Variants in CYTH4 observed in about 807,000 individuals in gnomAD.
CYTH4 encodes cytohesin 4.
CYTH4 carries 22 observed loss-of-function variants against 57.5 expected under a neutral mutation model. The ratio of observed to expected loss-of-function variants is 0.38; its 90% CI spans 0.27 to 0.55. The LOEUF is 0.55. CYTH4 is among the 20% of genes least tolerant of loss of function. The probability of loss-of-function intolerance (pLI) is 0.74; values close to 1 mark genes in which losing one functional copy is unlikely to be tolerated. For synonymous variants in CYTH4, 186 were observed against 206.5 expected (o/e 0.90, Z 0.85); for missense variants, 420 against 535.6 (o/e 0.78, Z 2.13).
At position 37,295,134 on chromosome 22, in the gene CYTH4, C is replaced by G. The variant is rs371961579; in HGVS notation, c.167+410C>G. 6.6e-6 allele frequency among the ~76,000 whole-genome samples: 1 copy of G among 152,130 alleles called. No homozygotes were observed. Among genetic ancestry groups the G allele is most frequent in the Non-Finnish European group, 1.5e-5 (1 of 68,004 alleles). On this transcript the variant is annotated intron_variant, in intron 3 of 12. Coordinates refer to ENST00000248901, the MANE Select transcript of CYTH4 (RefSeq NM_013385.5). This position sits in a 1 kb window ranked among gnomAD's most constrained non-coding sequence, Gnocchi z 4.1. ...ACCCCACCCCACTCACCACTAACCC[C>G]GGGCCAGCCACGCCCACCGCCTCTG... is the stretch of plus-strand genomic sequence containing the variant.
chr22:37,303,495 A>T, intron 8 of CYTH4, 93 bp downstream of exon 8: 1 of 1,464,222 alleles, frequency 6.8e-7, no homozygotes, highest in Non-Finnish European at 9.0e-7. Flanking sequence ...CCTCTGAGAT[A>T]GACAGCCCCC....
intron 1 of CYTH4, among the ~76,000 whole-genome samples, chr22:37,283,665 G>A (rs5750404): frequency 6.6e-6 from 1 of 151,752 alleles, no homozygotes; most frequent in Admixed American, 6.6e-5. Context: ...GAGGCCAAGG[G>A]AGGAAAACAG....
chr22:37,285,609 G>A (rs1332315551), intron 1 of CYTH4, among the ~76,000 whole-genome samples: 1 of 152,096 alleles, frequency 6.6e-6, no homozygotes, highest in Non-Finnish European at 1.5e-5. Context: ...TACTTGGGAG[G>A]CTGAGGCAGG....
intron 1 of CYTH4, 90 bp from the exon 2 acceptor site, chr22:37,292,531 G>T: frequency 7.3e-7 from 1 of 1,368,578 alleles, no homozygotes; most frequent in Non-Finnish European, 1.0e-6. Flanking sequence ...CAAGTCCTGG[G>T]TTTCCGGAGG....
At position 37,304,348 on chromosome 22, in the gene CYTH4, T is replaced by C. The variant is rs762485426; in HGVS notation, c.696+946T>C. 20 of 447,940 alleles carry C rather than the reference T, an allele frequency of 4.5e-5. No homozygotes were observed. In the Middle Eastern group the frequency reaches 1.2e-3, roughly 28 times the overall value. 27.7% of individuals were successfully genotyped at this position (447,940 alleles called of 1,614,324 possible). On this transcript the variant is annotated intron_variant, in intron 8 of 12. Coordinates refer to ENST00000248901, the MANE Select transcript of CYTH4 (RefSeq NM_013385.5). ...GGGCCAGAGGGTCCAGGGCTTCCAA[T>C]GACAGCCTCAGGAGTTTGCCTGTTT...
chr22:37,313,476 T>C lies in CYTH4; in HGVS notation c.1150T>C (p.Ser384Pro). The C allele has an allele frequency of 1.9e-6, 3 of 1,614,188 alleles. No homozygotes were observed. Among genetic ancestry groups the C allele is most frequent in the Non-Finnish European group, 2.5e-6 (3 of 1,180,020 alleles). ...CCGTGTCCCCTTCTACGACCTGGTC[T>C]CTACTCGGAAGAAGAAGATTGCCAG... ...ITRVPFYDLV[S>P]TRKKKIASKQ The change falls in exon 13 of 13, where the codon TCT becomes CCT. Residue 384 changes from serine to proline, a missense_variant. Ser to Pro is a moderately conservative substitution (Grantham distance 74). Transcript: ENST00000248901.
Position 37,311,363 on chromosome 22 carries a change from C to A in CYTH4, c.886-93C>A. 8.7e-7 allele frequency: 1 copy of A among 1,145,896 alleles called. No individual in the cohort carries two copies. Among genetic ancestry groups the A allele is most frequent in the East Asian group, 2.4e-5 (1 of 42,512 alleles). 71.0% of individuals were successfully genotyped at this position (1,145,896 alleles called of 1,614,324 possible). On this transcript the variant is annotated intron_variant, in intron 10 of 12. Transcript: ENST00000248901. This position sits in a 1 kb window ranked among gnomAD's most constrained non-coding sequence, Gnocchi z 4.4. ...AGTCTCGGAAGATGAGCACGCTCCT[C>A]TTTGAGTTTGGGGAACCCCACACGT...
chr22:37,304,827 T>A (rs916396912), intron 8 of CYTH4, among the ~76,000 whole-genome samples: 1 of 152,042 alleles, frequency 6.6e-6, no homozygotes, highest in African/African-American at 2.4e-5. Flanking sequence ...GAAGCCACTA[T>A]CCCCTCTACC....
chr22:37,303,571 G>T (rs983550366), intron 8 of CYTH4, among the ~76,000 whole-genome samples, 169 bp downstream of exon 8: 2 of 152,122 alleles, frequency 1.3e-5, no homozygotes, highest in Admixed American at 6.5e-5. Flanking sequence ...GTCACAAAGC[G>T]CATTGGTCCT....
At chr22:37,287,770 G>A (rs962948149) in intron 1 of CYTH4, among the ~76,000 whole-genome samples, 1 of 152,202 alleles carries the variant, frequency 6.6e-6, no homozygotes, top group Non-Finnish European at 1.5e-5. Flanking sequence ...ATGAGACCTG[G>A]GGCGAGTCAC....
intron 1 of CYTH4, among the ~76,000 whole-genome samples, chr22:37,288,324 G>A (rs1928625263): frequency 6.6e-6 from 1 of 152,146 alleles, no homozygotes; most frequent in Non-Finnish European, 1.5e-5. Flanking sequence ...AGACAGGAGA[G>A]TCCCTTGAGC....
intron 8 of CYTH4, among the ~76,000 whole-genome samples, chr22:37,305,228 G>A (rs143678602): frequency 4.3e-4 from 66 of 152,182 alleles, no homozygotes; most frequent in East Asian, 2.7e-3. Flanking sequence ...TTCCCAATTC[G>A]AGCCTTTTGT....
intron 1 of CYTH4, among the ~76,000 whole-genome samples, chr22:37,284,683 G>C (rs1191774737): frequency 1.3e-5 from 2 of 152,126 alleles, no homozygotes; most frequent in African/African-American, 4.8e-5. Flanking sequence ...CCTGCCAGTG[G>C]TCATGGTCTC....
At chr22:37,296,451 G>T (rs1033809486) in intron 4 of CYTH4, 2 of 215,846 alleles carry the variant, frequency 9.3e-6, no homozygotes, top group Non-Finnish European at 1.9e-5. Context: ...CAGTCCTGCG[G>T]TCCCACCACC....
Position 37,299,316 on chromosome 22 carries a change from C to G in CYTH4, c.434+10C>G. The G allele has an allele frequency of 6.2e-7, 1 of 1,613,400 alleles. No individual in the cohort carries two copies. Among genetic ancestry groups the G allele is most frequent in the Non-Finnish European group, 8.5e-7 (1 of 1,179,544 alleles). ...TCGTCCAGGCCCTCAGGTGAGTAGT[C>G]CTGGGGCAGGGTCCCGGCCCTCAAG... is the stretch of plus-strand genomic sequence containing the variant. On this transcript the variant is annotated intron_variant, in intron 6 of 12. Coordinates refer to ENST00000248901, the MANE Select transcript of CYTH4 (RefSeq NM_013385.5).
chr22:37,297,724 G>A, intron 5 of CYTH4, 42 bp downstream of exon 5: 1 of 1,538,268 alleles, frequency 6.5e-7, no homozygotes, highest in Non-Finnish European at 9.0e-7. Flanking sequence ...AAATGAAGGT[G>A]TGCAGGTGTG....
At position 37,306,705 on chromosome 22, in the gene CYTH4, C is replaced by T. The variant is rs1202459137; in HGVS notation, c.697-2507C>T. Among the ~76,000 whole-genome samples, 4 of 152,368 alleles carry T rather than the reference C, an allele frequency of 2.6e-5. 1 individual carries two copies. The South Asian group carries it at 6.2e-4, about 24-fold the overall frequency. Reference sequence around the variant, plus strand: ...TAGATCCAGGTGCCCAGTGACATCACGGCCTGATCCAGTTGCCCCATCTCT... The same window carrying T: ...TAGATCCAGGTGCCCAGTGACATCATGGCCTGATCCAGTTGCCCCATCTCT... On this transcript the variant is annotated intron_variant, in intron 8 of 12. Coordinates refer to ENST00000248901, the MANE Select transcript of CYTH4 (RefSeq NM_013385.5).
chr22:37,294,538 C>A, intron 2 of CYTH4, 122 bp from the exon 3 acceptor site: 2 of 1,044,732 alleles, frequency 1.9e-6, no homozygotes, highest in Non-Finnish European at 2.8e-6. Context: ...GGACAGAGGT[C>A]AGGGAGAGGG....
At chr22:37,299,200 AC>A in intron 5 of CYTH4, 25 bp from the exon 6 acceptor site, 1 of 1,408,966 alleles carries the variant, frequency 7.1e-7, no homozygotes, top group Non-Finnish European at 1.0e-6. Context: ...AGTGTGTCCC[AC>A]CCTCCCTTCC....
Sources: allele counts gnomAD v4.1 joint callset (sites outside exome capture counted in the v4.1 genomes callset), GRCh38; gene constraint gnomAD v4.1.1; non-coding constraint Gnocchi (gnomAD v3.1); transcripts MANE v1.5; gene names NCBI Gene and HGNC (gene_info 2026-07-23, HGNC 2026-07-21).